Variants in ZNF423 observed in about 807,000 individuals in gnomAD.
ZNF423 encodes the protein Ebf-associated zinc finger protein.
A neutral mutation model predicts 95.8 loss-of-function variants in ZNF423; 12 were observed. The observed-to-expected ratio is 0.13, with a 90% CI of 0.08 to 0.20. The LOEUF is 0.20. Ranked by LOEUF, ZNF423 falls within the 10% of genes least tolerant of loss-of-function variation. ZNF423 has a pLI of 1.00. For missense variants in ZNF423, 1,316 were observed against 1,737.1 expected, an observed-to-expected ratio of 0.76 and a Z score of 4.31; for synonymous variants, 749 against 711.9, an observed-to-expected ratio of 1.05 and a Z score of -0.83.
chr16:49,544,977 C>T (rs1050097191), intron 5 of ZNF423, among the ~76,000 whole-genome samples: 4 of 152,384 alleles, frequency 2.6e-5, no homozygotes, highest in African/African-American at 9.6e-5. Context: ...CAGCTTTACA[C>T]AGTCACTTGC....
chr16:49,580,718 A>G (rs1478490149), intron 5 of ZNF423, among the ~76,000 whole-genome samples: 1 of 152,228 alleles, frequency 6.6e-6, no homozygotes, highest in Non-Finnish European at 1.5e-5. Context: ...CAAATGTTAT[A>G]CAATGCCCCG....
intron 1 of ZNF423, among the ~76,000 whole-genome samples, chr16:49,833,605 C>G (rs932257495): frequency 1.8e-4 from 27 of 152,072 alleles, no homozygotes; most frequent in Admixed American, 9.2e-4. Flanking sequence ...CCTCCCACCC[C>G]CTCCTTTATT....
chr16:49,721,553 G>C (rs890794545), intron 3 of ZNF423, among the ~76,000 whole-genome samples: 1 of 152,080 alleles, frequency 6.6e-6, no homozygotes, highest in African/African-American at 2.4e-5. Flanking sequence ...AACAGAAACC[G>C]GGGACAGCCC....
chr16:49,785,371 G>A (rs149076048), intron 2 of ZNF423, among the ~76,000 whole-genome samples: 271 of 152,260 alleles, frequency 1.8e-3, no homozygotes, highest in African/African-American at 6.0e-3. Context: ...ATGAGCTACC[G>A]CGCCTGGTCC....
chr16:49,778,842 G>A (rs911390246), intron 2 of ZNF423, among the ~76,000 whole-genome samples: 1 of 152,174 alleles, frequency 6.6e-6, no homozygotes, highest in African/African-American at 2.4e-5. Flanking sequence ...CAAAAGTAAA[G>A]GTACAGGGTG....
intron 2 of ZNF423, among the ~76,000 whole-genome samples, chr16:49,777,320 T>C (rs1473066530): frequency 2.0e-5 from 3 of 152,220 alleles, no homozygotes; most frequent in Non-Finnish European, 1.5e-5. Flanking sequence ...TGTACCTACA[T>C]GTGTGTGAAT....
intron 1 of ZNF423, among the ~76,000 whole-genome samples, chr16:49,852,788 C>T (rs2035316116): frequency 6.6e-6 from 1 of 150,820 alleles, no homozygotes; most frequent in South Asian, 2.2e-4. Flanking sequence ...CAACCCCCTT[C>T]CCTATTTACT....
chr16:49,639,279 A>G (rs1381311611), intron 3 of ZNF423, among the ~76,000 whole-genome samples: 2 of 152,176 alleles, frequency 1.3e-5, no homozygotes, highest in African/African-American at 4.8e-5. Context: ...CTTGATCCAC[A>G]CCTGGGAGTC....
chr16:49,736,924 G>A (rs978836609), intron 2 of ZNF423, among the ~76,000 whole-genome samples: 1 of 152,180 alleles, frequency 6.6e-6, no homozygotes, highest in Non-Finnish European at 1.5e-5. Flanking sequence ...AAGACAGATG[G>A]CCCCATGCCC....
intron 2 of ZNF423, among the ~76,000 whole-genome samples, chr16:49,775,204 G>T (rs2034101455): frequency 6.6e-6 from 1 of 152,200 alleles, no homozygotes; most frequent in Admixed American, 6.5e-5. Flanking sequence ...TTGTTACTGA[G>T]ATGGTTCCTG....
intron 2 of ZNF423, among the ~76,000 whole-genome samples, chr16:49,780,304 A>G (rs993090113): frequency 6.6e-6 from 1 of 152,214 alleles, no homozygotes; most frequent in African/African-American, 2.4e-5. Context: ...GCAGAGCCAG[A>G]GGAAAAGGGT....
chr16:49,590,028 G>A (rs1398574284), intron 5 of ZNF423, among the ~76,000 whole-genome samples: 4 of 79,648 alleles, frequency 5.0e-5, no homozygotes, highest in Non-Finnish European at 1.1e-4. Context: ...GGGAAGTGGC[G>A]AATATATATA....
chr16:49,858,974 CCTCTGCTAGAGGTAGG>C (rs1191446291), upstream of ZNF423, among the ~76,000 whole-genome samples: 1 of 152,224 alleles, frequency 6.6e-6, no homozygotes, highest in African/African-American at 2.4e-5. The surrounding 1 kb of genome is among the most constrained non-coding windows in gnomAD (Gnocchi z 4.3). Context: ...CCGCGGGCTG[CCTCTGCTAGAGGTAGG>C]GGGCGGGGAA....
At chr16:49,532,874 C>T (rs535950640) in intron 5 of ZNF423, among the ~76,000 whole-genome samples, 20 of 152,278 alleles carry the variant, frequency 1.3e-4, no homozygotes, top group Admixed American at 7.2e-4. Flanking sequence ...ACAATGCTGT[C>T]GACACCGCAA....
chr16:49,547,762 G>A (rs890427224), intron 5 of ZNF423, among the ~76,000 whole-genome samples: 5 of 152,224 alleles, frequency 3.3e-5, no homozygotes, highest in African/African-American at 9.6e-5. Flanking sequence ...AGTCGCTCTT[G>A]ACGATAATGG....
chr16:49,585,423 C>A (rs1312008274), intron 5 of ZNF423, among the ~76,000 whole-genome samples: 1 of 152,164 alleles, frequency 6.6e-6, no homozygotes, highest in Non-Finnish European at 1.5e-5. Flanking sequence ...CACCCATAGC[C>A]GCTGTACAGC....
intron 2 of ZNF423, among the ~76,000 whole-genome samples, chr16:49,740,948 CCT>C (rs1347511286): frequency 1.3e-5 from 2 of 152,214 alleles, no homozygotes; most frequent in Admixed American, 6.5e-5. Context: ...ACCCCCAGCC[CCT>C]GTCAGGGAGA....
intron 4 of ZNF423, among the ~76,000 whole-genome samples, chr16:49,629,039 A>G (rs1263243421): frequency 6.6e-6 from 1 of 152,186 alleles, no homozygotes; most frequent in East Asian, 1.9e-4. Context: ...AAAAGGGAGC[A>G]GGACTTCACA....
chr16:49,781,448 C>T (rs928330347), intron 2 of ZNF423, among the ~76,000 whole-genome samples: 4 of 152,140 alleles, frequency 2.6e-5, no homozygotes, highest in African/African-American at 9.7e-5. Context: ...GCGAGTTCAG[C>T]GTGGACTTCA....
Sources: allele counts gnomAD v4.1 joint callset (sites outside exome capture counted in the v4.1 genomes callset), GRCh38; gene constraint gnomAD v4.1.1; non-coding constraint Gnocchi (gnomAD v3.1); transcripts MANE v1.5; gene names NCBI Gene and HGNC (gene_info 2026-07-23, HGNC 2026-07-21).